RP1L1: variants seen among roughly 807,000 people sequenced by gnomAD.
The protein encoded by RP1L1 is RP1 like 1.
RP1L1 carries 27 observed loss-of-function variants against 15.7 expected under a neutral mutation model. The observed-to-expected ratio is 1.72, with a 90% CI of 1.27 to 2.38. The LOEUF (loss-of-function observed/expected upper bound fraction) is 2.38. Among genes scored for constraint, RP1L1 ranks in the 30% most tolerant of loss-of-function variants. The pLI, the probability that RP1L1 is intolerant of heterozygous loss-of-function variation, is 0.00. For synonymous variants in RP1L1, 1,813 were observed against 1,276.7 expected (o/e 1.42, Z -8.96); for missense variants, 4,798 against 3,075.9 (o/e 1.56, Z -13.24).
chr8:10,644,616 A>G (rs535852257), intron 1 of RP1L1, among the ~76,000 whole-genome samples: 115 of 152,224 alleles, frequency 7.6e-4, no homozygotes, highest in African/African-American at 2.7e-3. Flanking sequence ...TCAGCTCTTT[A>G]GTCCTTTTCC....
rs766716684 is a variant in RP1L1 at position 10,611,840 on chromosome 8, G to A, written c.2258C>T (p.Ser753Phe). 3 of 1,613,780 alleles carry A rather than the reference G, an allele frequency of 1.9e-6. No homozygotes were observed. Among genetic ancestry groups the A allele is most frequent in the African/African-American group, 1.3e-5 (1 of 75,080 alleles). Residue 753 changes from serine (S) to phenylalanine (F), a missense_variant, in exon 4 of 4, where the codon TCC (serine) becomes TTC (phenylalanine). By Grantham distance (155) the Ser-to-Phe change is radical. Transcript: ENST00000382483. ...AVHSDFVSGVSPHNAPSAGWA... is the reference protein window; with the variant it reads ...AVHSDFVSGVFPHNAPSAGWA... ...CCCGGCAGAGGGAGCGTTGTGCGGG[G>A]AGACTCCAGAAACAAAATCCGAGTG...
At chr8:10,616,366 A>T in intron 3 of RP1L1, 80 bp downstream of exon 3, 3 of 1,586,644 alleles carry the variant, frequency 1.9e-6, no homozygotes, top group Non-Finnish European at 2.6e-6. Context: ...TTCCTGAATT[A>T]CCTGGAAGGC....
chr8:10,638,259 C>G (rs747339104), intron 1 of RP1L1, among the ~76,000 whole-genome samples: 3 of 152,174 alleles, frequency 2.0e-5, no homozygotes, highest in Non-Finnish European at 4.4e-5. Flanking sequence ...TCCACAGGCA[C>G]TTGTGATTCC....
intron 1 of RP1L1, among the ~76,000 whole-genome samples, chr8:10,650,034 C>A (rs1273395013): frequency 6.6e-6 from 1 of 152,126 alleles, no homozygotes; most frequent in Non-Finnish European, 1.5e-5. Flanking sequence ...GGCACGTGAT[C>A]CAACCCTGGC....
At chr8:10,630,037 G>A (rs550412043) in intron 1 of RP1L1, among the ~76,000 whole-genome samples, 1 of 152,302 alleles carries the variant, frequency 6.6e-6, no homozygotes, top group South Asian at 2.1e-4. Flanking sequence ...CATCCTGAGT[G>A]GGAGTCAGGG....
In RP1L1 at chr8:10,611,289, G is replaced by C. The variant is rs1156458737; in HGVS notation, c.2809C>G (p.Gln937Glu). 1 of 1,612,974 alleles carries C rather than the reference G, an allele frequency of 6.2e-7. No homozygotes were observed. Among genetic ancestry groups the C allele is most frequent in the Non-Finnish European group, 8.5e-7 (1 of 1,180,014 alleles). Reference protein sequence around the residue: ...TLRSGGGPQGQEEASGVSPSS... With the variant: ...TLRSGGGPQGEEEASGVSPSS... The stretch of plus-strand genomic sequence containing the variant: ...GGTGACACACCACTGGCCTCCTCCT[G>C]CCCCTGGGGGCCTCCCCCACTCCTC... The change falls in exon 4 of 4, where the codon CAG becomes GAG. Residue 937 changes from glutamine (Q) to glutamate (E), a missense_variant. Coordinates refer to ENST00000382483, the MANE Select transcript of RP1L1 (RefSeq NM_178857.6).
At position 10,608,592 on chromosome 8, in the gene RP1L1, C is replaced by G; in HGVS notation, c.5506G>C (p.Glu1836Gln). Residue 1836 changes from glutamate (E) to glutamine (Q), a missense_variant, in exon 4 of 4, where the codon GAG becomes CAG. Coordinates refer to ENST00000382483, the MANE Select transcript of RP1L1 (RefSeq NM_178857.6). ...PGQSDGAEGI[E>Q]APEAEGEAQP... ...GCCTCCCCTTCAGCCTCCGGGGCCT[C>G]TATGCCTTCGGCCCCATCACTCTGT... 1 of 1,614,258 alleles carries G rather than the reference C, an allele frequency of 6.2e-7. No individual in the cohort carries two copies. The highest frequency in any genetic ancestry group is 8.5e-7 in the Non-Finnish European group (1 of 1,180,048).
rs1370076428 is a variant in RP1L1, at chr8:10,612,178, C to T, written c.1920G>A (p.Arg640=). The T allele has an allele frequency of 6.2e-7, 1 of 1,613,294 alleles. No individual in the cohort carries two copies. The highest frequency in any genetic ancestry group is 8.5e-7 in the Non-Finnish European group (1 of 1,180,036). The change falls in exon 4 of 4, where the codon AGG becomes AGA. Residue 640 remains arginine (R), a synonymous_variant. Transcript: ENST00000382483. ...ACATTGCACTGGCCCGGCTTCTGTG[C>T]CTTCTCTGCCCCTGCTGGGATGAAG... is the stretch of plus-strand genomic sequence containing the variant. ...TCTSSQQGQR[R]HRSRASAMSS... is the part of the protein sequence containing the mutation.
In RP1L1 at chr8:10,612,420, T is replaced by C. The variant is rs754018370; in HGVS notation, c.1678A>G (p.Arg560Gly). 5 of 1,612,714 alleles carry C rather than the reference T, an allele frequency of 3.1e-6. No homozygotes were observed. Among genetic ancestry groups the C allele is most frequent in the Middle Eastern group, 1.6e-4 (1 of 6,062 alleles). Residue 560 changes from arginine to glycine, a missense_variant, in exon 4 of 4, where the codon AGG becomes GGG. Coordinates refer to ENST00000382483, the MANE Select transcript of RP1L1 (RefSeq NM_178857.6). Reference protein sequence around the residue: ...GRPQGCPGKARAETSQQEASE... With the variant: ...GRPQGCPGKAGAETSQQEASE... ...GCCTCCTGCTGAGAGGTCTCGGCCC[T>C]TGCCTTGCCTGGACAGCCCTGGGGC...
rs1239035043 is a variant in RP1L1, at chr8:10,610,757, G to A, written c.3341C>T (p.Ser1114Leu). Residue 1114 changes from serine to leucine, a missense_variant, in exon 4 of 4, where the codon TCA (serine) becomes TTA (leucine). Transcript: ENST00000382483. ...CAGACAAGTAATGAGGGCCCCGGCT[G>A]AGCAGCTGAGCCTCCTGGCCATGGG... Reference protein sequence around the residue: ...SRPMARRLSCSAGALITCLAS... With the variant: ...SRPMARRLSCLAGALITCLAS... 1.2e-6 allele frequency: 2 copies of A among 1,613,380 alleles called. No individual in the cohort carries two copies. Among genetic ancestry groups the A allele is most frequent in the South Asian group, 2.2e-5 (2 of 91,080 alleles).
At chr8:10,652,767 C>A (rs989349472) in intron 1 of RP1L1, among the ~76,000 whole-genome samples, 4 of 152,214 alleles carry the variant, frequency 2.6e-5, no homozygotes, top group Non-Finnish European at 5.9e-5. Flanking sequence ...CCACGTCCCC[C>A]CTGATTCCCT....
chr8:10,610,972 G>C lies in RP1L1; in HGVS notation c.3126C>G (p.Val1042=), dbSNP rs1293662359. ...SDTGPQSGEG[V]PQGAAPEGVS... ...CTCCCTCTGGAGCTGCCCCTTGGGG[G>C]ACACCCTCTCCTGATTGGGGACCAG... is the stretch of plus-strand genomic sequence containing the variant. The change falls in exon 4 of 4, where the codon GTC becomes GTG. Residue 1042 remains valine, a synonymous_variant. Transcript: ENST00000382483. 6.2e-7 allele frequency: 1 copy of C among 1,612,378 alleles called. No homozygotes were observed. The highest frequency in any genetic ancestry group is 1.7e-5 in the Admixed American group (1 of 59,976).
chr8:10,636,096 T>C (rs1017916375), intron 1 of RP1L1, among the ~76,000 whole-genome samples: 15 of 152,242 alleles, frequency 9.9e-5, no homozygotes, highest in African/African-American at 3.6e-4. Flanking sequence ...ATGAGTTGCT[T>C]CACCTCTCTG....
At chr8:10,627,729 A>T (rs958708240) in intron 1 of RP1L1, among the ~76,000 whole-genome samples, 20 of 152,178 alleles carry the variant, frequency 1.3e-4, no homozygotes, top group Non-Finnish European at 2.8e-4. Context: ...TAAGAGGAGG[A>T]CATCTTCCCT....
chr8:10,611,363 C>G lies in RP1L1; in HGVS notation c.2735G>C (p.Ser912Thr), dbSNP rs1368648556. The G allele has an allele frequency of 1.2e-6, 2 of 1,610,808 alleles. No homozygotes were observed. The highest frequency in any genetic ancestry group is 8.5e-7 in the Non-Finnish European group (1 of 1,179,522). ...GPNSGASRRS[S>T]ASQGAGSRGL... ...CCGAGACCCCGCACCCTGGCTGGCACTGCTTCTCCTTGATGCCCCTGAATT... is the reference window on the plus strand; with the variant it reads ...CCGAGACCCCGCACCCTGGCTGGCAGTGCTTCTCCTTGATGCCCCTGAATT... Residue 912 changes from serine (S) to threonine (T), a missense_variant, in exon 4 of 4, where the codon AGT (serine) becomes ACT (threonine). Ser to Thr is a moderately conservative substitution (Grantham distance 58, BLOSUM62 1). Transcript: ENST00000382483.
intron 1 of RP1L1, among the ~76,000 whole-genome samples, chr8:10,651,093 T>C (rs1225246844): frequency 1.3e-5 from 2 of 152,196 alleles, no homozygotes; most frequent in African/African-American, 4.8e-5. Context: ...GGTTGATAAA[T>C]CAGGAAGCAG....
At chr8:10,627,738 C>G (rs1798180686) in intron 1 of RP1L1, among the ~76,000 whole-genome samples, 1 of 152,124 alleles carries the variant, frequency 6.6e-6, no homozygotes, top group Non-Finnish European at 1.5e-5. Flanking sequence ...GACATCTTCC[C>G]TAAGCCAATT....
chr8:10,613,600 C>CAAA (rs71203341), intron 3 of RP1L1, among the ~76,000 whole-genome samples: 67 of 62,324 alleles, frequency 1.1e-3, no homozygotes, highest in African/African-American at 1.6e-3. Flanking sequence ...ACCATCTCTC[C>CAAA]AAAAAAAAAA....
rs907076395 is a variant in RP1L1 at position 10,608,503 on chromosome 8, C to T, written c.5595G>A (p.Gly1865=). 1 of 1,311,152 alleles carries T rather than the reference C, an allele frequency of 7.6e-7. No homozygotes were observed. Among genetic ancestry groups the T allele is most frequent in the Non-Finnish European group, 1.1e-6 (1 of 927,694 alleles). 81.2% of individuals were successfully genotyped at this position (1,311,152 alleles called of 1,614,324 possible). The change falls in exon 4 of 4, where the codon GGG becomes GGA. Residue 1865 remains glycine (G), a synonymous_variant. Transcript: ENST00000382483. ...CATCTTCTGACTCTGGCTGGGCCTC[C>T]CCTTCAGCCTCCTGGGCATCCCCTT... ...EAEGDAQEAE[G]EAQPESEDVE... is the part of the protein sequence containing the mutation.
Sources: gnomAD v4.1 joint callset for allele counts (sites outside exome capture counted in the v4.1 genomes callset) on GRCh38, gnomAD v4.1.1 for gene constraint, MANE v1.5 for transcripts, NCBI Gene and HGNC (gene_info 2026-07-23, HGNC 2026-07-21) for gene names.